Variants in OXR1 observed in about 807,000 individuals in gnomAD.
The protein encoded by OXR1 is oxidation resistance 1.
Under a neutral mutation model 104.6 loss-of-function variants are expected in OXR1, and 41 were observed. The observed-to-expected ratio is 0.39, with a 90% CI of 0.31 to 0.51. OXR1 has a LOEUF of 0.51. Among genes scored for constraint, OXR1 ranks in the 20% least tolerant of loss-of-function variants. The pLI is 0.77. For synonymous variants in OXR1, 348 were observed against 348.4 expected, an observed-to-expected ratio of 1.00 and a Z score of 0.01; for missense variants, 955 against 1,031.9, an observed-to-expected ratio of 0.93 and a Z score of 1.02.
intron 3 of OXR1, among the ~76,000 whole-genome samples, chr8:106,568,650 A>T (rs1398708765): frequency 6.6e-6 from 1 of 152,122 alleles, no homozygotes; most frequent in Non-Finnish European, 1.5e-5. Flanking sequence ...AATGAAATAC[A>T]TCCAAATCAC....
intron 3 of OXR1, among the ~76,000 whole-genome samples, chr8:106,529,430 A>G (rs10098634): frequency 0.039 from 5,876 of 152,272 alleles, 361 homozygotes; most frequent in African/African-American, 0.13. Flanking sequence ...TTCTTTCAAG[A>G]TAAATTAGAT....
intron 3 of OXR1, among the ~76,000 whole-genome samples, chr8:106,587,279 T>C (rs1179215794): frequency 6.6e-6 from 1 of 152,102 alleles, no homozygotes; most frequent in Non-Finnish European, 1.5e-5. Flanking sequence ...TAATTTTTTT[T>C]TTTCAGTAAA....
chr8:106,671,063 A>AAAAAAAAAAAAAAAAAAAAAAAAT (rs1826915081), intron 3 of OXR1, among the ~76,000 whole-genome samples: 1 of 148,916 alleles, frequency 6.7e-6, no homozygotes, highest in Non-Finnish European at 1.5e-5. Context: ...AAAAAAAAAA[A>AAAAAAAAAAAAAAAAAAAAAAAAT]GAATGGCTGA....
intron 3 of OXR1, among the ~76,000 whole-genome samples, chr8:106,678,341 C>T (rs1023693546): frequency 4.0e-5 from 6 of 151,870 alleles, no homozygotes; most frequent in Non-Finnish European, 7.4e-5. Context: ...TTAGGTTGAA[C>T]CATAAATTTT....
rs191712975 is a variant in OXR1, at chr8:106,319,791, G to A, written c.-138-39685G>A. Reference sequence around the variant, plus strand: ...GGCGATTCTTTATTTTTCATACTGTGGGCACTTCTGTGAATTTGCTGGTTA... The same window carrying A: ...GGCGATTCTTTATTTTTCATACTGTAGGCACTTCTGTGAATTTGCTGGTTA... On this transcript the variant is annotated intron_variant, in intron 1 of 16. Coordinates refer to ENST00000517566, the MANE Select transcript of OXR1 (RefSeq NM_001198533.2). Among the ~76,000 whole-genome samples the A allele has an allele frequency of 4.1e-3, 623 of 152,268 alleles. 2 individuals are homozygous for A. Among genetic ancestry groups the A allele is most frequent in the Non-Finnish European group, 6.9e-3 (468 of 68,022 alleles).
chr8:106,332,931 C>G (rs540044781), intron 1 of OXR1, among the ~76,000 whole-genome samples: 1 of 152,218 alleles, frequency 6.6e-6, no homozygotes, highest in African/African-American at 2.4e-5. Flanking sequence ...TTTAGCTTTA[C>G]ATAATGTTCT....
chr8:106,710,353 A>G (rs527934114), intron 9 of OXR1, among the ~76,000 whole-genome samples: 1 of 152,182 alleles, frequency 6.6e-6, no homozygotes, highest in South Asian at 2.1e-4. Context: ...AAATGTAACA[A>G]TGTTTCTGAA....
At chr8:106,549,010 G>T (rs1302185299) in intron 3 of OXR1, among the ~76,000 whole-genome samples, 1 of 151,872 alleles carries the variant, frequency 6.6e-6, no homozygotes, top group Non-Finnish European at 1.5e-5. Context: ...TATTAAAGTG[G>T]CATAAAGAAG....
intron 1 of OXR1, among the ~76,000 whole-genome samples, chr8:106,340,492 C>T (rs1327924998): frequency 6.6e-6 from 1 of 152,122 alleles, no homozygotes; most frequent in African/African-American, 2.4e-5. Flanking sequence ...TAGGCCTTTC[C>T]TGATCACCAC....
chr8:106,357,572 T>A (rs1816026509), intron 1 of OXR1, among the ~76,000 whole-genome samples: 1 of 151,074 alleles, frequency 6.6e-6, no homozygotes, highest in African/African-American at 2.4e-5. Flanking sequence ...ACACAACAAT[T>A]TTCAGAGTGT....
chr8:106,499,490 T>C (rs1055801729), intron 2 of OXR1, among the ~76,000 whole-genome samples: 2 of 152,192 alleles, frequency 1.3e-5, no homozygotes, highest in Non-Finnish European at 2.9e-5. Flanking sequence ...ACAAATAGCA[T>C]AATAGATTCT....
rs533163008 is a variant in OXR1 at position 106,461,760 on chromosome 8, A to G, written c.24-57183A>G. Among the ~76,000 whole-genome samples, 3 of 152,282 alleles carry G rather than the reference A, an allele frequency of 2.0e-5. No individual in the cohort carries two copies. In the East Asian group the frequency reaches 5.8e-4, roughly 29 times the overall value. On this transcript the variant is annotated intron_variant, in intron 2 of 16. Transcript: ENST00000517566. ...GATTGTTTTGCAGATCGGAACAGAT[A>G]ATATGCGCAGTGTCACAAAAATATA...
intron 1 of OXR1, among the ~76,000 whole-genome samples, chr8:106,273,642 G>T (rs1412081300): frequency 6.6e-6 from 1 of 152,170 alleles, no homozygotes; most frequent in Non-Finnish European, 1.5e-5. Flanking sequence ...CCCCTTTTAG[G>T]ATACTTTCAA....
At chr8:106,383,568 C>A (rs1455601944) in intron 2 of OXR1, among the ~76,000 whole-genome samples, 2 of 152,056 alleles carry the variant, frequency 1.3e-5, no homozygotes, top group African/African-American at 2.4e-5. Flanking sequence ...GGGAGCAAAC[C>A]ATTACTTTAC....
At chr8:106,440,244 G>A (rs1307453446) in intron 2 of OXR1, among the ~76,000 whole-genome samples, 12 of 152,020 alleles carry the variant, frequency 7.9e-5, no homozygotes, top group Non-Finnish European at 1.5e-4. Context: ...AAAAGCTATG[G>A]TCTAATAGGC....
chr8:106,293,965 A>ATTTTTTTTTT (rs61559960), intron 1 of OXR1, among the ~76,000 whole-genome samples: 3 of 124,348 alleles, frequency 2.4e-5, no homozygotes, highest in African/African-American at 6.6e-5. Context: ...TGACAGTTTA[A>ATTTTTTTTTT]TTTTTTTTTT....
At chr8:106,273,199 A>G (rs892383530) in intron 1 of OXR1, among the ~76,000 whole-genome samples, 1 of 152,060 alleles carries the variant, frequency 6.6e-6, no homozygotes, top group Non-Finnish European at 1.5e-5. Flanking sequence ...GCTTTAGAAA[A>G]TAGTCAATGG....
intron 1 of OXR1, among the ~76,000 whole-genome samples, chr8:106,289,462 G>T (rs1259247568): frequency 1.3e-5 from 2 of 152,116 alleles, no homozygotes; most frequent in Non-Finnish European, 2.9e-5. Context: ...CCAAGGAGGT[G>T]GAAGACTTCT....
intron 2 of OXR1, among the ~76,000 whole-genome samples, chr8:106,432,022 G>A (rs1161073826): frequency 6.6e-6 from 1 of 152,094 alleles, no homozygotes; most frequent in Non-Finnish European, 1.5e-5. Flanking sequence ...TATTTGACTT[G>A]TATATTCTTA....
Sources: allele counts gnomAD v4.1 joint callset (sites outside exome capture counted in the v4.1 genomes callset), GRCh38; gene constraint gnomAD v4.1.1; transcripts MANE v1.5; gene names NCBI Gene and HGNC (gene_info 2026-07-23, HGNC 2026-07-21).